RASL12: variants seen among roughly 807,000 people sequenced by gnomAD.
The protein encoded by RASL12 is RAS like family 12, also known as ras-like protein family member 12.
A neutral mutation model predicts 22.9 loss-of-function variants in RASL12; 16 were observed. The ratio of observed to expected loss-of-function variants is 0.70; its 90% CI spans 0.47 to 1.06. The LOEUF (loss-of-function observed/expected upper bound fraction) is 1.06. Among genes scored for constraint, RASL12 ranks in the 50% least tolerant of loss-of-function variants. RASL12 has a pLI of 0.00. For synonymous variants in RASL12, 159 were observed against 152.2 expected, an observed-to-expected ratio of 1.04 and a Z score of -0.33; for missense variants, 306 against 353.1, an observed-to-expected ratio of 0.87 and a Z score of 1.07.
chr15:65,051,686 G>T, downstream of RASL12: 2 of 1,358,082 alleles, frequency 1.5e-6, no homozygotes, highest in African/African-American at 1.4e-5. Flanking sequence ...CTAGAGAGGG[G>T]TCACTTAGGG....
the RASL12 span, among the ~76,000 whole-genome samples, chr15:65,047,080 G>T: frequency 6.6e-6 from 1 of 152,026 alleles, no homozygotes; most frequent in Non-Finnish European, 1.5e-5. Flanking sequence ...ACAAAGGCTG[G>T]GTGCAGTGGC....
intron 2 of RASL12, 150 bp downstream of exon 2, chr15:65,065,067 A>G (rs532872240): frequency 2.2e-5 from 15 of 677,892 alleles, no homozygotes; most frequent in Non-Finnish European, 3.7e-5. Context: ...CACTTAAAAC[A>G]TTTTCCCCCA....
intron 1 of RASL12, among the ~76,000 whole-genome samples, chr15:65,073,146 G>A (rs1164014058): frequency 6.6e-6 from 1 of 152,204 alleles, no homozygotes; most frequent in African/African-American, 2.4e-5. Flanking sequence ...CCCTCTAGCA[G>A]TCCCCAACCT....
Position 65,053,565 on chromosome 15 carries a change from G to A in RASL12, c.*1334C>T, listed in dbSNP as rs2140511785. On this transcript the variant is annotated 3_prime_UTR_variant, in exon 5 of 5. Transcript: ENST00000220062. The stretch of plus-strand genomic sequence containing the variant: ...TCTGACCTCAGCTCCTCCATTTACA[G>A]AATGAGTCCGAAGACTGGGTCAGAG... The A allele has an allele frequency of 2.0e-6, 2 of 1,008,030 alleles. No individual in the cohort carries two copies. The highest frequency in any genetic ancestry group is 8.3e-5 in the South Asian group (2 of 23,974). 62.4% of individuals were successfully genotyped at this position (1,008,030 alleles called of 1,614,324 possible). A position where few individuals can be genotyped will look rare whatever the true frequency, so the allele number is the denominator to read the frequency against.
At chr15:65,073,207 G>A (rs990328882) in intron 1 of RASL12, among the ~76,000 whole-genome samples, 3 of 152,180 alleles carry the variant, frequency 2.0e-5, no homozygotes, top group African/African-American at 7.2e-5. Flanking sequence ...CACAGACAGC[G>A]GAGGGGAGAT....
downstream of RASL12, chr15:65,049,726 ATT>A: frequency 3.4e-6 from 1 of 298,348 alleles, no homozygotes; most frequent in Middle Eastern, 9.8e-4. Context: ...TTTAATAAAT[ATT>A]TGAGTCACTC....
chr15:65,073,943 T>TC (rs1266093380), intron 1 of RASL12, among the ~76,000 whole-genome samples: 1 of 152,150 alleles, frequency 6.6e-6, no homozygotes, highest in Non-Finnish European at 1.5e-5. Flanking sequence ...AAGCATATGA[T>TC]CCCCTAGGCA....
chr15:65,051,689 A>G, downstream of RASL12: 3 of 1,342,678 alleles, frequency 2.2e-6, no homozygotes, highest in Admixed American at 3.6e-5. Context: ...GAGAGGGGTC[A>G]CTTAGGGGTC....
At chr15:65,051,198 T>C (rs187394010), downstream of RASL12, among the ~76,000 whole-genome samples, 5 of 152,228 alleles carry the variant, frequency 3.3e-5, no homozygotes, top group East Asian at 9.7e-4. Flanking sequence ...AAACTGAAGA[T>C]TGTGAAGTTT....
intron 2 of RASL12, among the ~76,000 whole-genome samples, chr15:65,062,531 T>C (rs1049664748): frequency 2.6e-5 from 4 of 152,162 alleles, no homozygotes; most frequent in Admixed American, 6.5e-5. Context: ...TTCCTCCATT[T>C]CTCCACCTAT....
intron 1 of RASL12, among the ~76,000 whole-genome samples, chr15:65,074,936 C>G (rs976346104): frequency 6.6e-6 from 1 of 152,250 alleles, no homozygotes; most frequent in Non-Finnish European, 1.5e-5. Flanking sequence ...CTTGTGGAGC[C>G]CTTCAGCCCA....
At chr15:65,049,936 G>A (rs2086626959), downstream of RASL12, 3 of 1,255,434 alleles carry the variant, frequency 2.4e-6, no homozygotes, top group Non-Finnish European at 3.3e-6. Context: ...CAGAACCGAG[G>A]AGGCCAGGAG....
downstream of RASL12, chr15:65,051,635 G>C: frequency 6.2e-7 from 1 of 1,603,326 alleles, no homozygotes; most frequent in South Asian, 1.1e-5. Context: ...GGGATGGGGT[G>C]GTCTCTGTGG....
downstream of RASL12, chr15:65,051,721 C>A: frequency 2.5e-6 from 2 of 815,680 alleles, no homozygotes; most frequent in Non-Finnish European, 2.0e-6. Context: ...CCCTTTGGGA[C>A]AGCAAAATTC....
upstream of RASL12, among the ~76,000 whole-genome samples, chr15:65,068,733 T>A (rs148787348): frequency 6.6e-6 from 1 of 152,190 alleles, no homozygotes; most frequent in East Asian, 1.9e-4. The surrounding 1 kb of genome is among the most constrained non-coding windows in gnomAD (Gnocchi z 4.2). Flanking sequence ...CCCTGGTCAT[T>A]CCCCTTGGGA....
At chr15:65,066,895 G>C (rs1257527609) in intron 1 of RASL12, among the ~76,000 whole-genome samples, 1 of 152,190 alleles carries the variant, frequency 6.6e-6, no homozygotes, top group Non-Finnish European at 1.5e-5. Context: ...ACAGCCAGTG[G>C]AGGACCCCTT....
At chr15:65,047,389 C>T in the RASL12 span, among the ~76,000 whole-genome samples, 1 of 151,500 alleles carries the variant, frequency 6.6e-6, no homozygotes, top group African/African-American at 2.4e-5. Context: ...GAAATATATA[C>T]ACACATTAAA....
upstream of RASL12, among the ~76,000 whole-genome samples, chr15:65,071,927 C>T (rs1452762514): frequency 1.3e-5 from 2 of 152,162 alleles, no homozygotes; most frequent in Non-Finnish European, 2.9e-5. Flanking sequence ...TTCGATTGAG[C>T]CTCACATCCC....
downstream of RASL12, among the ~76,000 whole-genome samples, chr15:65,049,009 C>CAA (rs67842486): frequency 0.023 from 2,199 of 93,946 alleles, 118 homozygotes; most frequent in African/African-American, 0.078. Context: ...GACTCCGTCT[C>CAA]AAAAAAAAAA....
Sources: gnomAD v4.1 joint callset for allele counts (sites outside exome capture counted in the v4.1 genomes callset) on GRCh38, gnomAD v4.1.1 for gene constraint, Gnocchi (gnomAD v3.1) non-coding constraint, MANE v1.5 for transcripts, NCBI Gene and HGNC (gene_info 2026-07-23, HGNC 2026-07-21) for gene names.